The following PKHD1 variants were observed in gnomAD, a reference collection of about 807,000 sequenced individuals.
PKHD1 encodes PKHD1 ciliary IPT domain containing fibrocystin/polyductin, also known as fibrocystin.
In PKHD1, 291 loss-of-function variants were observed where a neutral mutation model predicts 412.0. That is an observed-to-expected ratio of 0.71 (90% confidence interval 0.64 to 0.78). The LOEUF (loss-of-function observed/expected upper bound fraction) is 0.78. PKHD1 is among the 30% of genes least tolerant of loss of function. PKHD1 has a pLI of 0.00. For synonymous variants in PKHD1, 1,777 were observed against 1,821.5 expected, an observed-to-expected ratio of 0.98 and a Z score of 0.62; for missense variants, 4,825 against 4,950.7, an observed-to-expected ratio of 0.97 and a Z score of 0.76.
intron 66 of PKHD1, among the ~76,000 whole-genome samples, chr6:51,626,012 G>A (rs1032578899): frequency 4.6e-5 from 7 of 151,888 alleles, no homozygotes; most frequent in Non-Finnish European, 8.8e-5. Context: ...TAACTAATAC[G>A]ATGGGAAAAT....
At chr6:51,949,052 G>A (rs76286951) in intron 36 of PKHD1, among the ~76,000 whole-genome samples, 1 of 152,220 alleles carries the variant, frequency 6.6e-6, no homozygotes, top group East Asian at 1.9e-4. Flanking sequence ...AAAATGAGAG[G>A]TAAATGGAGG....
At chr6:51,772,658 A>T in intron 55 of PKHD1, 44 bp downstream of exon 55, 1 of 993,608 alleles carries the variant, frequency 1.0e-6, no homozygotes, top group Non-Finnish European at 1.6e-6. Context: ...GAAGCAACCT[A>T]AACAACAACC....
chr6:51,825,921 T>G (rs1294324199), intron 52 of PKHD1, among the ~76,000 whole-genome samples: 1 of 151,742 alleles, frequency 6.6e-6, no homozygotes, highest in Non-Finnish European at 1.5e-5. Flanking sequence ...AGACCAAAAT[T>G]TGAGAACTAC....
chr6:51,934,948 G>C (rs909757807), intron 36 of PKHD1, among the ~76,000 whole-genome samples: 25 of 152,162 alleles, frequency 1.6e-4, no homozygotes, highest in Admixed American at 5.9e-4. Context: ...AGGGAAAAGA[G>C]GTAGGAAATA....
chr6:52,065,133 TTATATATATATATA>T lies in PKHD1; in HGVS notation c.881-97_881-84del, dbSNP rs369093047. The T allele has an allele frequency of 9.9e-4, 131 of 132,268 alleles. 3 individuals are homozygous for T. Among genetic ancestry groups the T allele is most frequent in the Admixed American group, 1.9e-3 (22 of 11,384 alleles). 8.2% of individuals were successfully genotyped at this position (132,268 alleles called of 1,614,324 possible). On this transcript the variant is annotated intron_variant, in intron 12 of 66. Coordinates refer to ENST00000371117, the MANE Select transcript of PKHD1 (RefSeq NM_138694.4). ...TATATGTGTGTGGGTATATGTATAA[TTATATATATATATA>T]TATATATATATATATATATATAGAG...
chr6:51,900,101 T>G (rs1780975481), intron 43 of PKHD1, among the ~76,000 whole-genome samples: 1 of 152,124 alleles, frequency 6.6e-6, no homozygotes, highest in Admixed American at 6.6e-5. Flanking sequence ...CCCAAGGTAA[T>G]TTACAGATTC....
At chr6:51,690,163 T>C (rs1476489709) in intron 60 of PKHD1, among the ~76,000 whole-genome samples, 1 of 150,500 alleles carries the variant, frequency 6.6e-6, no homozygotes, top group Non-Finnish European at 1.5e-5. Flanking sequence ...ACCCAGCTAC[T>C]CCGGAGGCTG....
Position 51,867,961 on chromosome 6 carries a change from G to T in PKHD1, c.7635C>A (p.Thr2545=). Residue 2545 remains threonine, a synonymous_variant, in exon 48 of 67, where the codon ACC becomes ACA. Coordinates refer to ENST00000371117, the MANE Select transcript of PKHD1 (RefSeq NM_138694.4). Reference sequence around the variant, plus strand: ...AATTGACCAAACAAGAAGCTGAAAGGGTTTCCATAGAAGCAAGAATGTGAC... The same window carrying T: ...AATTGACCAAACAAGAAGCTGAAAGTGTTTCCATAGAAGCAAGAATGTGAC... The part of the protein sequence containing the change: ...NRSHILASME[T]LSASCLVNSS... 1 of 1,613,336 alleles carries T rather than the reference G, an allele frequency of 6.2e-7. No individual in the cohort carries two copies. Among genetic ancestry groups the T allele is most frequent in the Non-Finnish European group, 8.5e-7 (1 of 1,179,430 alleles).
Position 51,756,144 on chromosome 6 carries a change from A to G in PKHD1, c.8643-1206T>C, listed in dbSNP as rs1021962945. On this transcript the variant is annotated intron_variant, in intron 55 of 66. Transcript: ENST00000371117. ...CGTACCTAAGGTTGGAGAAAGAGTC[A>G]TAGAGAAGACAAAAAAACTACTATC... 3.3e-5 allele frequency among the ~76,000 whole-genome samples: 5 copies of G among 152,186 alleles called. No homozygotes were observed. In the East Asian group the frequency reaches 9.6e-4, roughly 29 times the overall value.
At chr6:51,869,759 A>G (rs1487796569) in intron 47 of PKHD1, among the ~76,000 whole-genome samples, 1 of 149,794 alleles carries the variant, frequency 6.7e-6, no homozygotes, top group African/African-American at 2.5e-5. Flanking sequence ...CCCAAATAAA[A>G]ACAATCTTTC....
intron 59 of PKHD1, 96 bp from the exon 60 acceptor site, chr6:51,744,638 A>C (rs549611846): frequency 1.1e-6 from 1 of 939,398 alleles, no homozygotes; most frequent in Non-Finnish European, 1.7e-6. Context: ...AAATAAATTC[A>C]ACAGATTTTT....
At chr6:51,956,674 C>T (rs1791193341) in intron 36 of PKHD1, among the ~76,000 whole-genome samples, 1 of 150,826 alleles carries the variant, frequency 6.6e-6, no homozygotes, top group African/African-American at 2.5e-5. Flanking sequence ...ATAAAGAGTC[C>T]TGGGGGGTGG....
At chr6:52,031,855 C>T (rs1803087785) in intron 29 of PKHD1, among the ~76,000 whole-genome samples, 2 of 152,196 alleles carry the variant, frequency 1.3e-5, no homozygotes, top group Admixed American at 6.5e-5. Context: ...GAAAAGAATG[C>T]ATTGCATTGT....
Position 51,748,197 on chromosome 6 carries a change from T to C in PKHD1, c.9419A>G (p.Asn3140Ser), listed in dbSNP as rs1785487339. 1 of 1,613,946 alleles carries C rather than the reference T, an allele frequency of 6.2e-7. No homozygotes were observed. Among genetic ancestry groups the C allele is most frequent in the South Asian group, 1.1e-5 (1 of 91,080 alleles). Reference protein sequence around the residue: ...LHLYKESGLDNCTRISGFLAF... With the variant: ...LHLYKESGLDSCTRISGFLAF... ...CAAGAAGCCAGAGATTCTGGTACAGTTGTCAAGTCCACTTTCCTTATAGAG... is the reference window on the plus strand; with the variant it reads ...CAAGAAGCCAGAGATTCTGGTACAGCTGTCAAGTCCACTTTCCTTATAGAG... Residue 3140 changes from asparagine to serine, a missense_variant, in exon 58 of 67, where the codon AAC becomes AGC. Asn to Ser is a conservative substitution (Grantham distance 46, BLOSUM62 1). Transcript: ENST00000371117.
rs548883170 is a variant in PKHD1 at position 51,714,269 on chromosome 6, C to T, written c.10156+30116G>A. Among the ~76,000 whole-genome samples the T allele has an allele frequency of 2.0e-5, 3 of 152,232 alleles. No homozygotes were observed. In the South Asian group the frequency reaches 6.2e-4, roughly 32 times the overall value. Reference sequence around the variant, plus strand: ...CCAGTAGTTCCACCTACTCGGGAGGCTGAGGCAGGAGAGTTGCTTGAACCC... The same window carrying T: ...CCAGTAGTTCCACCTACTCGGGAGGTTGAGGCAGGAGAGTTGCTTGAACCC... On this transcript the variant is annotated intron_variant, in intron 60 of 66. Coordinates refer to ENST00000371117, the MANE Select transcript of PKHD1 (RefSeq NM_138694.4).
At chr6:52,010,545 T>C in intron 34 of PKHD1, 86 bp from the exon 35 acceptor site, 1 of 1,196,102 alleles carries the variant, frequency 8.4e-7, no homozygotes. Flanking sequence ...TTGCAAGCCA[T>C]TAGCTTGTGG....
chr6:51,644,836 T>C (rs180794469), intron 63 of PKHD1, among the ~76,000 whole-genome samples: 4 of 152,262 alleles, frequency 2.6e-5, no homozygotes, highest in African/African-American at 9.6e-5. Flanking sequence ...CATGCCATCA[T>C]GTCTACCTAA....
At chr6:51,871,055 T>A (rs2064872) in intron 46 of PKHD1, among the ~76,000 whole-genome samples, 61,699 of 151,920 alleles carry the variant, frequency 0.41, 13,725 homozygotes, top group East Asian at 0.85. Flanking sequence ...GATGAGAAAG[T>A]ATTAAAACTC....
At chr6:51,967,327 T>G (rs1792960033) in intron 35 of PKHD1, among the ~76,000 whole-genome samples, 1 of 152,136 alleles carries the variant, frequency 6.6e-6, no homozygotes, top group Non-Finnish European at 1.5e-5. Flanking sequence ...TATCTGGCTC[T>G]TTATAGGAAA....
Sources: gnomAD v4.1 joint callset for allele counts (sites outside exome capture counted in the v4.1 genomes callset) on GRCh38, gnomAD v4.1.1 for gene constraint, MANE v1.5 for transcripts, NCBI Gene and HGNC (gene_info 2026-07-23, HGNC 2026-07-21) for gene names.